The following LRRC8D variants were observed in gnomAD, a reference collection of about 807,000 sequenced individuals.
LRRC8D encodes the protein volume-regulated anion channel subunit LRRC8D.
In LRRC8D, 20 loss-of-function variants were observed where a neutral mutation model predicts 55.8. That is an observed-to-expected ratio of 0.36 (90% CI 0.25 to 0.52). The LOEUF is 0.52. Among genes scored for constraint, LRRC8D ranks in the 20% least tolerant of loss-of-function variants. LRRC8D has a pLI of 0.93. For synonymous variants in LRRC8D, 352 were observed against 377.0 expected (o/e 0.93, Z 0.77); for missense variants, 651 against 1,030.8 (o/e 0.63, Z 5.05).
chr1:89,858,572 G>A (rs1277346622), intron 2 of LRRC8D, among the ~76,000 whole-genome samples: 1 of 152,172 alleles, frequency 6.6e-6, no homozygotes, highest in Non-Finnish European at 1.5e-5. Flanking sequence ...TTTAAAAGTT[G>A]TCTTAATACT....
chr1:89,884,891 A>G (rs1290651894), intron 2 of LRRC8D, among the ~76,000 whole-genome samples: 4 of 151,772 alleles, frequency 2.6e-5, no homozygotes, highest in Non-Finnish European at 5.9e-5. Context: ...TCCCACCTAC[A>G]TTTCTCCTTT....
At chr1:89,909,661 TC>T (rs1344009087) in intron 2 of LRRC8D, among the ~76,000 whole-genome samples, 1 of 151,866 alleles carries the variant, frequency 6.6e-6, no homozygotes, top group East Asian at 1.9e-4. Context: ...GGTCAGGAGA[TC>T]GAGACCATCC....
At chr1:89,859,916 G>T (rs7544204) in intron 2 of LRRC8D, among the ~76,000 whole-genome samples, 29,871 of 152,168 alleles carry the variant, frequency 0.2, 3,324 homozygotes, top group African/African-American at 0.3. Flanking sequence ...AAATTACTTT[G>T]AAGTAAATTT....
At chr1:89,917,304 C>A (rs549124681) in intron 2 of LRRC8D, among the ~76,000 whole-genome samples, 3 of 152,140 alleles carry the variant, frequency 2.0e-5, no homozygotes, top group Non-Finnish European at 2.9e-5. Flanking sequence ...GCAATAGCTG[C>A]TTTCCTGATC....
chr1:89,883,827 C>T (rs1662341705), intron 2 of LRRC8D, among the ~76,000 whole-genome samples: 1 of 152,122 alleles, frequency 6.6e-6, no homozygotes, highest in South Asian at 2.1e-4. Context: ...GTAAAACAAC[C>T]CTTCAGATTC....
chr1:89,883,068 C>CT (rs1360136282), intron 2 of LRRC8D, among the ~76,000 whole-genome samples: 1 of 152,102 alleles, frequency 6.6e-6, no homozygotes, highest in Non-Finnish European at 1.5e-5. Flanking sequence ...GTGATGCCTG[C>CT]TTGTAGTCCT....
At chr1:89,884,472 A>G (rs533429008) in intron 2 of LRRC8D, among the ~76,000 whole-genome samples, 2 of 152,386 alleles carry the variant, frequency 1.3e-5, no homozygotes, top group East Asian at 1.9e-4. Flanking sequence ...GAAAGCAAAG[A>G]TAAGTATTGA....
chr1:89,876,558 C>A (rs1213803963), intron 2 of LRRC8D, among the ~76,000 whole-genome samples: 3 of 152,070 alleles, frequency 2.0e-5, no homozygotes, highest in Non-Finnish European at 4.4e-5. Flanking sequence ...TCTTTCCCTG[C>A]CTGGTTAGAG....
intron 2 of LRRC8D, among the ~76,000 whole-genome samples, chr1:89,851,788 G>C (rs1661424745): frequency 6.6e-6 from 1 of 152,144 alleles, no homozygotes; most frequent in Middle Eastern, 3.4e-3. Context: ...AGGATTACAG[G>C]CATGAGCCAC....
chr1:89,830,824 G>A (rs957848648), intron 1 of LRRC8D, among the ~76,000 whole-genome samples: 5 of 151,880 alleles, frequency 3.3e-5, no homozygotes, highest in East Asian at 1.9e-4. Context: ...GCTGGAAACC[G>A]CCTCTTTAGG....
At chr1:89,825,279 T>C (rs72714288) in intron 1 of LRRC8D, among the ~76,000 whole-genome samples, 4 of 152,314 alleles carry the variant, frequency 2.6e-5, no homozygotes, top group Admixed American at 6.5e-5. Flanking sequence ...AGCCCTTATT[T>C]TGGGGGCTTC....
chr1:89,857,382 C>CAAAAAAAAAAAAAA (rs759975883), intron 2 of LRRC8D, among the ~76,000 whole-genome samples: 1 of 63,044 alleles, frequency 1.6e-5, no homozygotes, highest in Admixed American at 1.8e-4. Flanking sequence ...AACTCCATCT[C>CAAAAAAAAAAAAAA]AAAAAAAAAA....
chr1:89,924,593 TA>T (rs1663508161), intron 2 of LRRC8D, among the ~76,000 whole-genome samples: 1 of 152,132 alleles, frequency 6.6e-6, no homozygotes, highest in South Asian at 2.1e-4. Flanking sequence ...CAAATCATTC[TA>T]CAAAAAAGAT....
At chr1:89,895,136 A>C (rs1371618050) in intron 2 of LRRC8D, among the ~76,000 whole-genome samples, 1 of 152,220 alleles carries the variant, frequency 6.6e-6, no homozygotes, top group African/African-American at 2.4e-5. Context: ...TTTTTTGGAA[A>C]CAAAATTATT....
intron 2 of LRRC8D, among the ~76,000 whole-genome samples, chr1:89,877,799 A>T (rs1662183491): frequency 6.6e-6 from 1 of 152,236 alleles, no homozygotes; most frequent in Non-Finnish European, 1.5e-5. Flanking sequence ...CTCTTCAAAA[A>T]TAAACTAGGC....
intron 2 of LRRC8D, among the ~76,000 whole-genome samples, chr1:89,861,000 A>G (rs1218355171): frequency 6.6e-6 from 1 of 151,928 alleles, no homozygotes; most frequent in East Asian, 1.9e-4. Context: ...TAATGCAAGG[A>G]ACAAATCAAC....
In LRRC8D at chr1:89,859,277, C is replaced by G. The variant is rs191304188; in HGVS notation, c.-3+15495C>G. 7.4e-3 allele frequency among the ~76,000 whole-genome samples: 1,103 copies of G among 150,048 alleles called. 10 individuals are homozygous for G. The highest frequency in any genetic ancestry group is 9.9e-3 in the South Asian group (47 of 4,760). On this transcript the variant is annotated intron_variant, in intron 2 of 2. Coordinates refer to ENST00000337338, the MANE Select transcript of LRRC8D (RefSeq NM_001134479.2). ...TTGACTCTTTTTTTTTTTTTAAGCT[C>G]ATTTTCAAATGAGAGACTCCATACA...
chr1:89,851,966 A>G (rs543498065), intron 2 of LRRC8D, among the ~76,000 whole-genome samples: 1 of 151,968 alleles, frequency 6.6e-6, no homozygotes, highest in South Asian at 2.1e-4. Flanking sequence ...ACCTTGGCCA[A>G]TAGTTATAGG....
At chr1:89,869,330 G>C (rs534701632) in intron 2 of LRRC8D, among the ~76,000 whole-genome samples, 1 of 152,112 alleles carries the variant, frequency 6.6e-6, no homozygotes, top group Non-Finnish European at 1.5e-5. Flanking sequence ...TGAGAACTTC[G>C]TGAAGCATAC....
Sources: allele counts gnomAD v4.1 joint callset (sites outside exome capture counted in the v4.1 genomes callset), GRCh38; gene constraint gnomAD v4.1.1; transcripts MANE v1.5; gene names NCBI Gene and HGNC (gene_info 2026-07-23, HGNC 2026-07-21).